CDH13: variants seen among roughly 807,000 people sequenced by gnomAD.
CDH13 encodes cadherin 13.
A neutral mutation model predicts 63.8 loss-of-function variants in CDH13; 24 were observed. The ratio of observed to expected loss-of-function variants is 0.38; its 90% CI spans 0.27 to 0.53. CDH13 has a LOEUF of 0.53. Ranked by LOEUF, CDH13 falls within the 20% of genes least tolerant of loss-of-function variation. The probability of loss-of-function intolerance (pLI) is 0.85; values close to 1 mark genes in which losing one functional copy is unlikely to be tolerated. For synonymous variants in CDH13, 503 were observed against 355.3 expected (o/e 1.42, Z -4.67); for missense variants, 1,049 against 903.1 (o/e 1.16, Z -2.07).
chr16:83,074,726 C>A (rs1291550858), intron 3 of CDH13, among the ~76,000 whole-genome samples: 3 of 152,188 alleles, frequency 2.0e-5, no homozygotes, highest in South Asian at 2.1e-4. Flanking sequence ...TAGCCATCGT[C>A]TCACACAGTC....
intron 5 of CDH13, among the ~76,000 whole-genome samples, chr16:83,331,197 T>G (rs2090473601): frequency 6.6e-6 from 1 of 152,166 alleles, no homozygotes; most frequent in Non-Finnish European, 1.5e-5. Context: ...AGCTGTTTTC[T>G]AGTTCTCAGA....
chr16:83,457,823 G>C (rs1483226561), intron 6 of CDH13, among the ~76,000 whole-genome samples: 1 of 152,142 alleles, frequency 6.6e-6, no homozygotes. Flanking sequence ...TGTTAGGAAA[G>C]ACATTTGTCT....
intron 7 of CDH13, among the ~76,000 whole-genome samples, chr16:83,525,783 G>C (rs1306742113): frequency 6.6e-6 from 1 of 152,144 alleles, no homozygotes; most frequent in Non-Finnish European, 1.5e-5. Context: ...TAAAATGAAA[G>C]AATTTTTTCT....
At chr16:83,348,008 G>A (rs1446471059) in intron 6 of CDH13, among the ~76,000 whole-genome samples, 1 of 152,088 alleles carries the variant, frequency 6.6e-6, no homozygotes, top group East Asian at 1.9e-4. Flanking sequence ...TGGACAATGT[G>A]GTGAAACCCC....
intron 7 of CDH13, among the ~76,000 whole-genome samples, chr16:83,490,769 C>T (rs553582021): frequency 3.4e-4 from 52 of 152,264 alleles, no homozygotes; most frequent in Middle Eastern, 3.4e-3. Flanking sequence ...GTGAACTGGC[C>T]ATTTCTTCCC....
intron 1 of CDH13, among the ~76,000 whole-genome samples, chr16:82,652,936 CTCAT>C (rs1910897179): frequency 6.6e-6 from 1 of 152,138 alleles, no homozygotes; most frequent in Admixed American, 6.5e-5. Flanking sequence ...CCTTCATTAG[CTCAT>C]TCATTCATTG....
chr16:83,232,058 G>GGGTAGA (rs796118885), intron 5 of CDH13, among the ~76,000 whole-genome samples: 19 of 152,210 alleles, frequency 1.2e-4, no homozygotes, highest in African/African-American at 4.3e-4. Context: ...AGAGGGTAGA[G>GGGTAGA]GGTAGGAGAA....
Position 83,499,866 on chromosome 16 carries a change from G to A in CDH13, c.960+13211G>A, listed in dbSNP as rs1034823096. On this transcript the variant is annotated intron_variant, in intron 7 of 13. Coordinates refer to ENST00000567109, the MANE Select transcript of CDH13 (RefSeq NM_001257.5). ...TGCTCAAGCTGTAGTGCAATGGCAC[G>A]ATCTCAGCTCACTGCAATCTCCACC... Among the ~76,000 whole-genome samples, 21 of 152,182 alleles carry A rather than the reference G, an allele frequency of 1.4e-4. 1 individual carries two copies. Among genetic ancestry groups the A allele is most frequent in the East Asian group, 5.8e-4 (3 of 5,172 alleles).
intron 3 of CDH13, among the ~76,000 whole-genome samples, chr16:83,114,933 G>T (rs2035224820): frequency 6.6e-6 from 1 of 152,236 alleles, no homozygotes. Flanking sequence ...ATAAATTGGA[G>T]ATTGGCTTCT....
chr16:83,226,248 T>C (rs1044267339), intron 5 of CDH13, among the ~76,000 whole-genome samples: 1 of 152,282 alleles, frequency 6.6e-6, no homozygotes, highest in Admixed American at 6.5e-5. Context: ...AACTGAGGCA[T>C]GAAGAGGTTA....
At chr16:83,316,602 T>C (rs1001931767) in intron 5 of CDH13, among the ~76,000 whole-genome samples, 2 of 151,972 alleles carry the variant, frequency 1.3e-5, no homozygotes, top group African/African-American at 2.4e-5. Flanking sequence ...CTGAGGGTGG[T>C]AAGGGGTTAA....
At chr16:82,928,993 C>A (rs2151291948) in intron 2 of CDH13, among the ~76,000 whole-genome samples, 1 of 152,228 alleles carries the variant, frequency 6.6e-6, no homozygotes, top group East Asian at 1.9e-4. Flanking sequence ...TCAATTTTTG[C>A]CTGGCACTTT....
intron 11 of CDH13, among the ~76,000 whole-genome samples, chr16:83,765,267 T>A (rs562183202): frequency 1.3e-5 from 2 of 152,198 alleles, no homozygotes; most frequent in Non-Finnish European, 2.9e-5. Context: ...AAAATGAAAC[T>A]GTCATGTTTA....
intron 5 of CDH13, among the ~76,000 whole-genome samples, chr16:83,323,678 A>C (rs969535304): frequency 1.3e-5 from 2 of 152,184 alleles, no homozygotes; most frequent in African/African-American, 2.4e-5. Context: ...TTTATTTTCT[A>C]CCTGTCTGAA....
intron 11 of CDH13, among the ~76,000 whole-genome samples, chr16:83,769,204 C>G (rs1023391544): frequency 6.6e-6 from 1 of 152,174 alleles, no homozygotes; most frequent in Non-Finnish European, 1.5e-5. Flanking sequence ...CTGTGGGAGA[C>G]TTCCAACTGG....
intron 4 of CDH13, among the ~76,000 whole-genome samples, chr16:83,126,953 G>A (rs545129825): frequency 7.9e-5 from 12 of 152,278 alleles, no homozygotes; most frequent in African/African-American, 2.6e-4. Context: ...AAGAGCAAAT[G>A]GCAGGATGAA....
intron 6 of CDH13, among the ~76,000 whole-genome samples, chr16:83,383,524 A>G (rs2091612106): frequency 6.6e-6 from 1 of 152,180 alleles, no homozygotes; most frequent in Admixed American, 6.5e-5. Flanking sequence ...TTGTACATTT[A>G]TGGTTGGCAT....
chr16:83,342,016 C>T (rs1428495252), intron 5 of CDH13, among the ~76,000 whole-genome samples: 1 of 151,742 alleles, frequency 6.6e-6, no homozygotes, highest in Non-Finnish European at 1.5e-5. Flanking sequence ...CACACACACA[C>T]ACACACACAC....
intron 1 of CDH13, among the ~76,000 whole-genome samples, chr16:82,740,029 C>G (rs1260941898): frequency 6.6e-6 from 1 of 152,116 alleles, no homozygotes; most frequent in African/African-American, 2.4e-5. Flanking sequence ...CTCTGGTAAA[C>G]CTTTCTTTAT....
Sources: allele counts gnomAD v4.1 joint callset (sites outside exome capture counted in the v4.1 genomes callset), GRCh38; gene constraint gnomAD v4.1.1; transcripts MANE v1.5; gene names NCBI Gene and HGNC (gene_info 2026-07-23, HGNC 2026-07-21).